KSR2: variants seen among roughly 807,000 people sequenced by gnomAD.
KSR2 encodes the protein kinase suppressor of ras 2.
KSR2 carries 25 observed loss-of-function variants against 107.8 expected under a neutral mutation model. That is an observed-to-expected ratio of 0.23 (90% CI 0.17 to 0.32). KSR2 has a LOEUF of 0.32. Ranked by LOEUF, KSR2 falls within the 10% of genes least tolerant of loss-of-function variation. KSR2 has a pLI of 1.00. For synonymous variants in KSR2, 480 were observed against 507.0 expected, an observed-to-expected ratio of 0.95 and a Z score of 0.71; for missense variants, 887 against 1,268.9, an observed-to-expected ratio of 0.70 and a Z score of 4.57.
At chr12:117,958,931 AGAGT>A (rs889703444) in intron 1 of KSR2, among the ~76,000 whole-genome samples, 6 of 152,324 alleles carry the variant, frequency 3.9e-5, no homozygotes, top group Admixed American at 1.3e-4. Context: ...ACAAACCAGT[AGAGT>A]GAGTACAGTA....
intron 4 of KSR2, among the ~76,000 whole-genome samples, chr12:117,706,747 TA>T (rs1186730312): frequency 1.4e-5 from 2 of 147,688 alleles, no homozygotes; most frequent in Non-Finnish European, 3.0e-5. Context: ...TTATGCCATA[TA>T]AATTATACCT....
At chr12:117,729,686 A>AT (rs1482467986) in intron 4 of KSR2, among the ~76,000 whole-genome samples, 40 of 151,686 alleles carry the variant, frequency 2.6e-4, no homozygotes, top group South Asian at 1.7e-3. Context: ...CCATCCATCC[A>AT]CCCATCCACC....
chr12:117,895,956 G>A (rs980771724), intron 1 of KSR2, among the ~76,000 whole-genome samples: 7 of 152,174 alleles, frequency 4.6e-5, no homozygotes, highest in Non-Finnish European at 1.0e-4. Context: ...CTACTCCAGT[G>A]GCTGAGGCAG....
intron 9 of KSR2, among the ~76,000 whole-genome samples, chr12:117,543,781 C>T (rs1290049117): frequency 6.6e-6 from 1 of 152,146 alleles, no homozygotes; most frequent in African/African-American, 2.4e-5. Flanking sequence ...GGCAAAAGTC[C>T]CAAGTCAAAG....
At chr12:117,579,506 A>G (rs547420446) in intron 6 of KSR2, among the ~76,000 whole-genome samples, 1 of 152,340 alleles carries the variant, frequency 6.6e-6, no homozygotes, top group East Asian at 1.9e-4. Flanking sequence ...TTGTGACTAT[A>G]CTATTACCTT....
At chr12:117,564,930 T>C (rs1878368768) in intron 7 of KSR2, among the ~76,000 whole-genome samples, 3 of 152,240 alleles carry the variant, frequency 2.0e-5, no homozygotes, top group Admixed American at 6.5e-5. Context: ...TGAAATGCAA[T>C]GATGCCCCCT....
chr12:117,654,758 A>C (rs1289485338), intron 5 of KSR2, among the ~76,000 whole-genome samples: 1 of 152,200 alleles, frequency 6.6e-6, no homozygotes, highest in African/African-American at 2.4e-5. Context: ...CTGTGAAGAT[A>C]TTTGTATCCC....
At chr12:117,821,875 A>C (rs1481202184) in intron 3 of KSR2, among the ~76,000 whole-genome samples, 1 of 152,180 alleles carries the variant, frequency 6.6e-6, no homozygotes, top group Non-Finnish European at 1.5e-5. Context: ...CTTGAACAGA[A>C]GTTGGGTAAA....
At chr12:117,480,608 G>T (rs1209399920) in intron 16 of KSR2, among the ~76,000 whole-genome samples, 1 of 152,078 alleles carries the variant, frequency 6.6e-6, no homozygotes, top group African/African-American at 2.4e-5. Context: ...TGGCGGGGGG[G>T]TCTCTCCCTG....
rs554607790 is a variant in KSR2 at position 117,692,193 on chromosome 12, G to A, written c.987-24535C>T. 1.9e-4 allele frequency among the ~76,000 whole-genome samples: 29 copies of A among 152,124 alleles called. No homozygotes were observed. The South Asian group carries it at 6.0e-3, about 32-fold the overall frequency. ...GAGATACATAAATGGTGGCCAACAA[G>A]TATATGAAAAGATGCTCAACATTAT... On this transcript the variant is annotated intron_variant, in intron 4 of 19. Transcript: ENST00000339824.
intron 4 of KSR2, among the ~76,000 whole-genome samples, chr12:117,732,041 T>TAAA (rs35351348): frequency 2.2e-4 from 33 of 147,554 alleles, no homozygotes; most frequent in African/African-American, 7.9e-4. Flanking sequence ...CAAATACTAT[T>TAAA]AAAAAAAAAA....
chr12:117,932,612 C>T (rs1021915977), intron 1 of KSR2, among the ~76,000 whole-genome samples: 1 of 152,062 alleles, frequency 6.6e-6, no homozygotes, highest in Non-Finnish European at 1.5e-5. Flanking sequence ...GTCCCAGCTA[C>T]TCAGGAGGCT....
At chr12:117,704,616 T>C (rs1287629547) in intron 4 of KSR2, among the ~76,000 whole-genome samples, 1 of 152,132 alleles carries the variant, frequency 6.6e-6, no homozygotes, top group African/African-American at 2.4e-5. Flanking sequence ...CCCAGCACTT[T>C]GGGAGGCCAA....
intron 3 of KSR2, among the ~76,000 whole-genome samples, chr12:117,774,608 A>C (rs1889621454): frequency 6.6e-6 from 1 of 152,178 alleles, no homozygotes; most frequent in African/African-American, 2.4e-5. Context: ...ATTAACCTTC[A>C]GTCACTAACT....
At chr12:117,611,463 C>CACACACACACACAA in intron 5 of KSR2, among the ~76,000 whole-genome samples, 1 of 152,112 alleles carries the variant, frequency 6.6e-6, no homozygotes, top group African/African-American at 2.4e-5. Context: ...CACACACACA[C>CACACACACACACAA]GTGTATCCAC....
rs1267347522 is a variant in KSR2 at position 117,554,539 on chromosome 12, CAT to C, written c.1518+628_1518+629del. Among the ~76,000 whole-genome samples the C allele has an allele frequency of 8.5e-5, 13 of 152,230 alleles. 1 individual carries two copies. The East Asian group carries it at 1.2e-3, about 14-fold the overall frequency. ...TGAATTGTAGCTCCCACAATTCCCA[CAT>C]GTCATGGGAGGGGCCCAGTGGGAGG... On this transcript the variant is annotated intron_variant, in intron 9 of 19. Coordinates refer to ENST00000339824, the MANE Select transcript of KSR2 (RefSeq NM_173598.6).
At position 117,485,680 on chromosome 12, in the gene KSR2, C is replaced by A; in HGVS notation, c.2231G>T (p.Gly744Val). ...HLAIITSLCK[G>V]RTLYSVVRDA... Reference sequence around the variant, plus strand: ...CCTCACAACGGAATAGAGCGTCCGTCCCTTACAGAGGCTGAAAAGCAAAAG... The same window carrying A: ...CCTCACAACGGAATAGAGCGTCCGTACCTTACAGAGGCTGAAAAGCAAAAG... The change falls in exon 15 of 20, where the codon GGA (glycine) becomes GTA (valine). Residue 744 changes from glycine to valine, a missense_variant. By Grantham distance (109) the Gly-to-Val change is moderately radical. Transcript: ENST00000339824. The A allele has an allele frequency of 1.2e-6, 2 of 1,612,758 alleles. No individual in the cohort carries two copies. Among genetic ancestry groups the A allele is most frequent in the Non-Finnish European group, 1.7e-6 (2 of 1,178,928 alleles).
Position 117,729,683 on chromosome 12 carries a change from TCCAC to T in KSR2, c.986+31324_986+31327del, listed in dbSNP as rs374395601. On this transcript the variant is annotated intron_variant, in intron 4 of 19. Transcript: ENST00000339824. ...AACCATTTAACCATGCATCCATCCA[TCCAC>T]CCATCCACCCACCCACCCATCCATT... 7.0e-4 allele frequency among the ~76,000 whole-genome samples: 106 copies of T among 151,206 alleles called. No individual in the cohort carries two copies. In the East Asian group the frequency reaches 0.018, roughly 26 times the overall value.
chr12:117,895,792 C>T (rs1440780695), intron 1 of KSR2, among the ~76,000 whole-genome samples: 2 of 152,216 alleles, frequency 1.3e-5, no homozygotes, highest in Non-Finnish European at 2.9e-5. Context: ...GGCATGGTGG[C>T]TCATGCCTGT....
Sources: gnomAD v4.1 joint callset for allele counts (sites outside exome capture counted in the v4.1 genomes callset) on GRCh38, gnomAD v4.1.1 for gene constraint, MANE v1.5 for transcripts, NCBI Gene and HGNC (gene_info 2026-07-23, HGNC 2026-07-21) for gene names.